Variants in TMED5 observed in about 807,000 individuals in gnomAD.
TMED5 encodes the protein transmembrane emp24 domain-containing protein 5.
In TMED5, 27 loss-of-function variants were observed where a neutral mutation model predicts 23.0. The observed-to-expected ratio is 1.17, with a 90% confidence interval of 0.86 to 1.62. The LOEUF is 1.62. TMED5 is among the 40% of genes most tolerant of loss of function. The pLI is 0.00. For missense variants in TMED5, 248 were observed against 273.7 expected, an observed-to-expected ratio of 0.91 and a Z score of 0.66; for synonymous variants, 97 against 100.8, an observed-to-expected ratio of 0.96 and a Z score of 0.23.
chr1:93,168,018 G>A (rs934141235), intron 1 of TMED5, among the ~76,000 whole-genome samples: 1 of 152,074 alleles, frequency 6.6e-6, no homozygotes, highest in Non-Finnish European at 1.5e-5. Context: ...GATTATATGG[G>A]TTTTGTCCTT....
chr1:93,167,793 G>A (rs1452500607), intron 1 of TMED5, among the ~76,000 whole-genome samples: 1 of 152,094 alleles, frequency 6.6e-6, no homozygotes, highest in East Asian at 1.9e-4. Flanking sequence ...GTACTATGTT[G>A]AATGACCGTG....
At position 93,150,053 on chromosome 1, in the gene TMED5, A is replaced by G. The variant is rs1370264194; in HGVS notation, c.*4617T>C. The G allele has an allele frequency of 1.3e-5, 2 of 152,210 alleles. No individual in the cohort carries two copies. The highest frequency in any genetic ancestry group is 4.8e-5 in the African/African-American group (2 of 41,462). The allele number at this position is 152,210 out of a possible 1,614,324, so 9.4% of individuals were successfully genotyped here. A position where few individuals can be genotyped will look rare whatever the true frequency, so the allele number is the denominator to read the frequency against. On this transcript the variant is annotated 3_prime_UTR_variant, in exon 4 of 4. Transcript: ENST00000370282. ...AATACTTCTAACATTTCACATGTAT[A>G]TTTATGTAATCACCACAATCAAACT...
intron 1 of TMED5, among the ~76,000 whole-genome samples, chr1:93,171,107 G>GT (rs1648714096): frequency 6.6e-6 from 1 of 152,182 alleles, no homozygotes; most frequent in Non-Finnish European, 1.5e-5. Flanking sequence ...TTTATGAGCT[G>GT]TAACACTCAC....
chr1:93,150,749 A>G lies in TMED5; in HGVS notation c.*3921T>C, dbSNP rs1299584152. 1 of 152,236 alleles carries G rather than the reference A, an allele frequency of 6.6e-6. No individual in the cohort carries two copies. Among genetic ancestry groups the G allele is most frequent in the Non-Finnish European group, 1.5e-5 (1 of 68,050 alleles). 9.4% of individuals were successfully genotyped at this position (152,236 alleles called of 1,614,324 possible). ...CCATTTCATATTAGCTGTAGTAACA[A>G]TCCCCTTTACAACATTTGATCATTA... On this transcript the variant is annotated 3_prime_UTR_variant, in exon 4 of 4. Coordinates refer to ENST00000370282, the MANE Select transcript of TMED5 (RefSeq NM_016040.5).
At chr1:93,174,130 G>GT (rs1197985406) in intron 1 of TMED5, among the ~76,000 whole-genome samples, 1 of 151,850 alleles carries the variant, frequency 6.6e-6, no homozygotes, top group East Asian at 1.9e-4. Flanking sequence ...GCTAATTTTT[G>GT]TTTTTTGTTT....
rs1347600229 is a variant in TMED5, at chr1:93,162,840, T to A, written c.190-2614A>T. On this transcript the variant is annotated intron_variant, in intron 1 of 3. Coordinates refer to ENST00000370282, the MANE Select transcript of TMED5 (RefSeq NM_016040.5). ...CAGAATTCTTACATATAACATTAGATGGAAAAAAATAATGGAGCCATGTAG... is the reference window on the plus strand; with the variant it reads ...CAGAATTCTTACATATAACATTAGAAGGAAAAAAATAATGGAGCCATGTAG... The A allele has an allele frequency of 2.6e-5, 4 of 152,038 alleles. No individual in the cohort carries two copies. The East Asian group carries it at 7.7e-4, about 29-fold the overall frequency. 9.4% of individuals were successfully genotyped at this position (152,038 alleles called of 1,614,324 possible).
chr1:93,157,978 G>C (rs12036591), intron 2 of TMED5, among the ~76,000 whole-genome samples: 107 of 152,186 alleles, frequency 7.0e-4, no homozygotes, highest in Admixed American at 2.7e-3. Context: ...CAAAAAATTA[G>C]CCGGGCGTGG....
chr1:93,150,831 A>G lies in TMED5; in HGVS notation c.*3839T>C, dbSNP rs1647847888. 1.3e-5 allele frequency: 2 copies of G among 152,176 alleles called. No homozygotes were observed. Among genetic ancestry groups the G allele is most frequent in the Non-Finnish European group, 2.9e-5 (2 of 68,040 alleles). The allele number at this position is 152,176 out of a possible 1,614,324, so 9.4% of individuals were successfully genotyped here. On this transcript the variant is annotated 3_prime_UTR_variant, in exon 4 of 4. Transcript: ENST00000370282. ...AGTATCTTTCTTTCTGAGGGAGTTTATATCAGTTTGGGTAACAGATTCTCA... is the reference window on the plus strand; with the variant it reads ...AGTATCTTTCTTTCTGAGGGAGTTTGTATCAGTTTGGGTAACAGATTCTCA...
intron 2 of TMED5, among the ~76,000 whole-genome samples, chr1:93,158,583 T>TG (rs1324713444): frequency 4.1e-5 from 6 of 147,964 alleles, no homozygotes; most frequent in Admixed American, 6.7e-5. Flanking sequence ...TTTAGTTTTG[T>TG]TTTTTTTTTT....
chr1:93,175,169 A>G (rs963661182), intron 1 of TMED5, among the ~76,000 whole-genome samples: 4 of 103,440 alleles, frequency 3.9e-5, no homozygotes, highest in African/African-American at 1.4e-4. Flanking sequence ...AATACTTAAA[A>G]GCCATTTATA....
rs1212594246 is a variant in TMED5 at position 93,151,320 on chromosome 1, T to G, written c.*3350A>C. 6.6e-6 allele frequency: 1 copy of G among 152,166 alleles called. No individual in the cohort carries two copies. Among genetic ancestry groups the G allele is most frequent in the African/African-American group, 2.4e-5 (1 of 41,448 alleles). The allele number at this position is 152,166 out of a possible 1,614,324, so 9.4% of individuals were successfully genotyped here. A position where few individuals can be genotyped will look rare whatever the true frequency, so the allele number is the denominator to read the frequency against. On this transcript the variant is annotated 3_prime_UTR_variant, in exon 4 of 4. Coordinates refer to ENST00000370282, the MANE Select transcript of TMED5 (RefSeq NM_016040.5). ...TGGTTTGAGGGAAATGACCAAATAA[T>G]AACCTACCTACACCAAGCATTGTAC...
Position 93,154,653 on chromosome 1 carries a change from T to C in TMED5, c.*17A>G. The C allele has an allele frequency of 1.3e-6, 2 of 1,580,044 alleles. No homozygotes were observed. The highest frequency in any genetic ancestry group is 2.2e-5 in the South Asian group (2 of 90,368). On this transcript the variant is annotated 3_prime_UTR_variant, in exon 4 of 4. Transcript: ENST00000370282. The stretch of plus-strand genomic sequence containing the variant: ...TTATGCCTCATTTTTCAATGTTACG[T>C]ACTCTAGTTTGGAGTTTTAAGTTCT...
rs1192464291 is a variant in TMED5, at chr1:93,180,298, C to T, written c.-56G>A. On this transcript the variant is annotated 5_prime_UTR_variant, in exon 1 of 4. Transcript: ENST00000370282. ...GCGTCAGGTACTGTTGTCTCCGCTC[C>T]GCGTTTCCTCTCTGGACTCCTCGTG... 37 of 1,529,226 alleles carry T rather than the reference C, an allele frequency of 2.4e-5. No homozygotes were observed. Among genetic ancestry groups the T allele is most frequent in the African/African-American group, 4.2e-5 (3 of 71,060 alleles). 94.7% of individuals were successfully genotyped at this position (1,529,226 alleles called of 1,614,324 possible). A position where few individuals can be genotyped will look rare whatever the true frequency, so the allele number is the denominator to read the frequency against.
At position 93,180,088 on chromosome 1, in the gene TMED5, A is replaced by C; in HGVS notation, c.155T>G (p.Met52Arg). Residue 52 changes from methionine to arginine, a missense_variant, in exon 1 of 4, where the codon ATG becomes AGG. Met to Arg is a moderately conservative substitution (Grantham distance 91). Coordinates refer to ENST00000370282, the MANE Select transcript of TMED5 (RefSeq NM_016040.5). ...GATCTCCAGCGAGGCCTTCAGGGGC[A>C]TGGGCTGGTAGAAGCACTCCTTCTG... is the stretch of plus-strand genomic sequence containing the variant. The part of the protein sequence containing the change: ...AGQKECFYQP[M>R]PLKASLEIEY... The C allele has an allele frequency of 1.2e-6, 2 of 1,613,640 alleles. No individual in the cohort carries two copies. The highest frequency in any genetic ancestry group is 1.7e-6 in the Non-Finnish European group (2 of 1,179,778).
At chr1:93,155,023 G>A in intron 3 of TMED5, 135 bp from the exon 4 acceptor site, 2 of 634,760 alleles carry the variant, frequency 3.2e-6, no homozygotes, top group Non-Finnish European at 5.4e-6. Context: ...AGGACCCCTT[G>A]AACCCAGGAG....
chr1:93,180,365 G>A lies in TMED5; in HGVS notation c.-123C>T. ...GGAGTCTGAAGAAACTCCAGGTGGC[G>A]GCCGCGGCGGCGGCGAACACTCCCT... On this transcript the variant is annotated 5_prime_UTR_variant, in exon 1 of 4. Transcript: ENST00000370282. 1 of 1,312,978 alleles carries A rather than the reference G, an allele frequency of 7.6e-7. No individual in the cohort carries two copies. Among genetic ancestry groups the A allele is most frequent in the Non-Finnish European group, 1.0e-6 (1 of 967,262 alleles). The allele number at this position is 1,312,978 out of a possible 1,614,324, so 81.3% of individuals were successfully genotyped here.
At chr1:93,170,451 G>A (rs1648682080) in intron 1 of TMED5, among the ~76,000 whole-genome samples, 1 of 152,234 alleles carries the variant, frequency 6.6e-6, no homozygotes, top group Non-Finnish European at 1.5e-5. Context: ...GACCTTAGCT[G>A]CCTCCCCGCG....
chr1:93,173,417 CAA>C (rs761220338), intron 1 of TMED5, among the ~76,000 whole-genome samples: 76 of 151,896 alleles, frequency 5.0e-4, no homozygotes, highest in Non-Finnish European at 7.6e-4. Context: ...GAGAGTGAGA[CAA>C]AGAGAGAAAT....
intron 1 of TMED5, among the ~76,000 whole-genome samples, chr1:93,171,416 G>A (rs574694629): frequency 1.4e-4 from 21 of 152,336 alleles, no homozygotes; most frequent in Non-Finnish European, 2.5e-4. Flanking sequence ...TCCGGACACA[G>A]TGGAACATTA....
Sources: allele counts gnomAD v4.1 joint callset (sites outside exome capture counted in the v4.1 genomes callset), GRCh38; gene constraint gnomAD v4.1.1; transcripts MANE v1.5; gene names NCBI Gene and HGNC (gene_info 2026-07-23, HGNC 2026-07-21).